The following POTEJ variants were observed in gnomAD, a reference collection of about 807,000 sequenced individuals.
POTEJ encodes the protein POTE ankyrin domain family, member J.
In POTEJ, 11 loss-of-function variants were observed where a neutral mutation model predicts 69.0. The observed-to-expected ratio is 0.16, with a 90% confidence interval of 0.10 to 0.26. The LOEUF (loss-of-function observed/expected upper bound fraction) is 0.26, where lower values mean the gene tolerates loss of function less well. POTEJ is among the 10% of genes least tolerant of loss of function. The pLI, the probability that POTEJ is intolerant of heterozygous loss-of-function variation, is 1.00. For missense variants in POTEJ, 327 were observed against 1,045.5 expected (o/e 0.31, Z 9.48); for synonymous variants, 117 against 381.1 (o/e 0.31, Z 8.07).
At chr2:130,642,716 A>T (rs1298008770) in intron 10 of POTEJ, among the ~76,000 whole-genome samples, 3 of 152,256 alleles carry the variant, frequency 2.0e-5, no homozygotes. Context: ...CTCCATCTTT[A>T]GCCCTTTTCC....
intron 8 of POTEJ, among the ~76,000 whole-genome samples, 185 bp downstream of exon 8, chr2:130,631,638 A>G (rs1279481529): frequency 1.4e-5 from 2 of 141,980 alleles, no homozygotes; most frequent in African/African-American, 5.6e-5. Context: ...CAAACCCTAG[A>G]GATATTCTTT....
chr2:130,624,685 C>A (rs1332283845), intron 6 of POTEJ, among the ~76,000 whole-genome samples: 7 of 151,794 alleles, frequency 4.6e-5, no homozygotes, highest in Non-Finnish European at 7.4e-5. Context: ...GAGTTGAGGA[C>A]CCCTGCTCTG....
At chr2:130,637,292 A>C (rs1443941050) in intron 9 of POTEJ, among the ~76,000 whole-genome samples, 2 of 149,968 alleles carry the variant, frequency 1.3e-5, no homozygotes, top group Admixed American at 6.7e-5. Flanking sequence ...AGTCAGAGGA[A>C]TTGCAAACTT....
At chr2:130,648,208 G>A (rs1286063145) in intron 13 of POTEJ, among the ~76,000 whole-genome samples, 1 of 145,546 alleles carries the variant, frequency 6.9e-6, no homozygotes, top group African/African-American at 2.7e-5. Flanking sequence ...ATGTGCAAAG[G>A]GCCTTTAAAA....
chr2:130,656,101 A>T (rs1017294300), intron 14 of POTEJ, among the ~76,000 whole-genome samples: 2 of 145,900 alleles, frequency 1.4e-5, no homozygotes. Context: ...GTCCAAATAT[A>T]TGCATAGCTA....
At chr2:130,625,542 C>T (rs1285443047) in intron 6 of POTEJ, among the ~76,000 whole-genome samples, 5 of 151,550 alleles carry the variant, frequency 3.3e-5, no homozygotes, top group Admixed American at 3.3e-4. Flanking sequence ...TTAAGGTAAG[C>T]ATGCAGAGAG....
chr2:130,624,740 A>T (rs2105210032), intron 6 of POTEJ, among the ~76,000 whole-genome samples: 1 of 152,120 alleles, frequency 6.6e-6, no homozygotes, highest in South Asian at 2.1e-4. Flanking sequence ...GGAATTTTTG[A>T]TCACAAAAGA....
intron 13 of POTEJ, among the ~76,000 whole-genome samples, chr2:130,647,096 A>G (rs1686607474): frequency 6.6e-6 from 1 of 150,580 alleles, no homozygotes; most frequent in Non-Finnish European, 1.5e-5. Flanking sequence ...AATAGGAAAT[A>G]GCTCAATTTC....
chr2:130,636,764 C>A (rs1164291516), intron 9 of POTEJ, among the ~76,000 whole-genome samples: 1 of 147,858 alleles, frequency 6.8e-6, no homozygotes, highest in African/African-American at 2.5e-5. Flanking sequence ...GGAGTTTATC[C>A]TGTGTATATT....
At chr2:130,647,421 A>G (rs1321864164) in intron 13 of POTEJ, among the ~76,000 whole-genome samples, 1 of 151,580 alleles carries the variant, frequency 6.6e-6, no homozygotes, top group East Asian at 1.9e-4. Flanking sequence ...TTTAATATAA[A>G]CATTTCAGTA....
chr2:130,640,471 G>T (rs1432002887), intron 10 of POTEJ, among the ~76,000 whole-genome samples: 1 of 151,294 alleles, frequency 6.6e-6, no homozygotes, highest in South Asian at 2.1e-4. Context: ...GGCTAAAACA[G>T]TAGGAACCAG....
chr2:130,626,791 T>C (rs1237848987), intron 6 of POTEJ, among the ~76,000 whole-genome samples: 6 of 152,186 alleles, frequency 3.9e-5, no homozygotes, highest in Non-Finnish European at 7.3e-5. Flanking sequence ...ATACATAAAG[T>C]TAGGAATCTC....
chr2:130,626,254 GATTGGGATAATAAAT>G (rs1685700628), intron 6 of POTEJ, among the ~76,000 whole-genome samples: 2 of 150,732 alleles, frequency 1.3e-5, no homozygotes, highest in Admixed American at 1.3e-4. Context: ...TGAGGAGGGG[GATTGGGATAATAAAT>G]ATCCCAATAG....
intron 6 of POTEJ, among the ~76,000 whole-genome samples, chr2:130,629,066 G>A (rs1685812156): frequency 6.6e-6 from 1 of 152,204 alleles, no homozygotes; most frequent in Non-Finnish European, 1.5e-5. Flanking sequence ...CCGAATCGTG[G>A]AGGGAAACAT....
rs1558915787 is a variant in POTEJ, at chr2:130,613,409, T to TAC, written c.410+1468_410+1469dup. ...GTATATATATATATATATATATATATACTTTTTTTTTTGGTGGAGTCTCAC... is the reference window on the plus strand; with the variant it reads ...GTATATATATATATATATATATATATACACTTTTTTTTTTGGTGGAGTCTCAC... On this transcript the variant is annotated intron_variant, in intron 1 of 14. Transcript: ENST00000409602. 7.7e-5 allele frequency among the ~76,000 whole-genome samples: 11 copies of TAC among 143,624 alleles called. 1 individual carries two copies. The highest frequency in any genetic ancestry group is 2.4e-4 in the African/African-American group (9 of 37,642). 94.2% of individuals were successfully genotyped at this position (143,624 alleles called of 152,430 possible).
rs959435027 is a variant in POTEJ at position 130,643,632 on chromosome 2, T to C, written c.1370-351T>C. On this transcript the variant is annotated intron_variant, in intron 10 of 14. Transcript: ENST00000409602. ...AAGGTGTCAGCAGTGATTTTGGAAA[T>C]CATTTATAAGGTACTATTAGGAAGT... 9.8e-5 allele frequency among the ~76,000 whole-genome samples: 14 copies of C among 142,212 alleles called. 2 individuals carry two copies. Among genetic ancestry groups the C allele is most frequent in the Non-Finnish European group, 1.9e-4 (12 of 63,622 alleles). 93.3% of individuals were successfully genotyped at this position (142,212 alleles called of 152,430 possible).
chr2:130,642,221 A>T (rs1273030084), intron 10 of POTEJ, among the ~76,000 whole-genome samples: 8 of 135,604 alleles, frequency 5.9e-5, no homozygotes, highest in Admixed American at 4.7e-4. Flanking sequence ...TGTATGGGAT[A>T]GTATTTAACG....
At chr2:130,625,581 A>G (rs1354387602) in intron 6 of POTEJ, among the ~76,000 whole-genome samples, 2 of 150,826 alleles carry the variant, frequency 1.3e-5, no homozygotes, top group African/African-American at 5.0e-5. Flanking sequence ...AAAGAAGCAG[A>G]AGAAGAATGT....
At chr2:130,640,990 G>C (rs1382760182) in intron 10 of POTEJ, among the ~76,000 whole-genome samples, 2 of 151,844 alleles carry the variant, frequency 1.3e-5, no homozygotes, top group Admixed American at 6.6e-5. Context: ...AAATGGGTTA[G>C]CAGGCTTTTT....
Sources: allele counts gnomAD v4.1 joint callset (sites outside exome capture counted in the v4.1 genomes callset), GRCh38; gene constraint gnomAD v4.1.1; transcripts MANE v1.5; gene names NCBI Gene and HGNC (gene_info 2026-07-23, HGNC 2026-07-21).